The following REPS2 variants were observed in gnomAD, a reference collection of about 807,000 sequenced individuals.
The protein encoded by REPS2 is RALBP1 associated Eps domain containing 2.
A neutral mutation model predicts 53.6 loss-of-function variants in REPS2; 23 were observed. The ratio of observed to expected loss-of-function variants is 0.43; its 90% confidence interval spans 0.31 to 0.61. The LOEUF (loss-of-function observed/expected upper bound fraction) is 0.61. Among genes scored for constraint, REPS2 ranks in the 20% least tolerant of loss-of-function variants. REPS2 has a pLI of 0.11. For synonymous variants in REPS2, 238 were observed against 218.6 expected, an observed-to-expected ratio of 1.09 and a Z score of -0.78; for missense variants, 446 against 534.9, an observed-to-expected ratio of 0.83 and a Z score of 1.64.
In REPS2 at chrX:17,148,264, C is replaced by T. The variant is rs1341676808; in HGVS notation, c.*783C>T. 2.7e-5 allele frequency: 3 copies of T among 111,871 alleles called. No individual in the cohort carries two copies. The highest frequency in any genetic ancestry group is 5.6e-5 in the Non-Finnish European group (3 of 53,167). 9.2% of individuals were successfully genotyped at this position (111,871 alleles called of 1,213,427 possible). ...AGTCTGCTTTGACTGCCTTGCCTGA[C>T]CAAATTAAATAAATAGTTGCCAGAT... On this transcript the variant is annotated 3_prime_UTR_variant, in exon 18 of 18. Transcript: ENST00000357277.
chrX:16,964,059 C>A lies in REPS2; in HGVS notation c.273+16925C>A, dbSNP rs759484611. Among the ~76,000 whole-genome samples, 496 of 105,567 alleles carry A rather than the reference C, an allele frequency of 4.7e-3. 8 individuals are homozygous for A. Among genetic ancestry groups the A allele is most frequent in the African/African-American group, 0.017 (487 of 28,905 alleles). The allele number at this position is 105,567 out of a possible 115,157, so 91.7% of individuals were successfully genotyped here. Reference sequence around the variant, plus strand: ...TTATTATTATTTTTTATTGATCATTCTTGGGTGTTTCTCGCAGAGGGGGAT... The same window carrying A: ...TTATTATTATTTTTTATTGATCATTATTGGGTGTTTCTCGCAGAGGGGGAT... On this transcript the variant is annotated intron_variant, in intron 1 of 17. Transcript: ENST00000357277.
intron 17 of REPS2, among the ~76,000 whole-genome samples, chrX:17,140,735 A>ATATTATTATTAT (rs199967140): frequency 1.1e-4 from 10 of 89,656 alleles, no homozygotes; most frequent in East Asian, 1.0e-3. Context: ...GCATGCACAA[A>ATATTATTATTAT]TATTATTATT....
the REPS2 span, among the ~76,000 whole-genome samples, chrX:17,182,838 A>G: frequency 2.7e-5 from 3 of 110,915 alleles, no homozygotes; most frequent in Admixed American, 1.9e-4. Context: ...ATCACACACC[A>G]CCATATGGGA....
chrX:17,016,229 C>A, intron 2 of REPS2, among the ~76,000 whole-genome samples: 1 of 111,418 alleles, frequency 9.0e-6, no homozygotes, highest in African/African-American at 3.3e-5. Flanking sequence ...AGTGTCTGTT[C>A]ATATCCTTCG....
the REPS2 span, among the ~76,000 whole-genome samples, chrX:17,190,859 C>T: frequency 1.2e-4 from 13 of 111,829 alleles, no homozygotes; most frequent in Non-Finnish European, 2.3e-4. Context: ...AAAGGCTTTG[C>T]AGTGGAGAAA....
chrX:17,127,188 C>T (rs373037239), intron 14 of REPS2, among the ~76,000 whole-genome samples: 2 of 111,951 alleles, frequency 1.8e-5, no homozygotes, highest in African/African-American at 3.3e-5. Flanking sequence ...TAAGTCAGCC[C>T]GAACCCATTC....
intron 13 of REPS2, among the ~76,000 whole-genome samples, chrX:17,100,980 CA>C (rs1218160052): frequency 1.8e-4 from 20 of 109,874 alleles, no homozygotes; most frequent in Middle Eastern, 4.8e-3. Context: ...GGCTTCCCCC[CA>C]AAAAATGCTC....
rs914371689 is a variant in REPS2, at chrX:17,100,051, A to G, written c.1517-3667A>G. 2.2e-5 allele frequency: 25 copies of G among 1,158,229 alleles called. No homozygotes were observed. In the African/African-American group the frequency reaches 3.2e-4, roughly 15 times the overall value. Reference sequence around the variant, plus strand: ...TTGCTCTCCTCTCCCTTATCTTCAGAATCAGAATCAGCTTTGTGCTTGCCT... The same window carrying G: ...TTGCTCTCCTCTCCCTTATCTTCAGGATCAGAATCAGCTTTGTGCTTGCCT... On this transcript the variant is annotated intron_variant, in intron 13 of 17. Transcript: ENST00000357277.
intron 8 of REPS2, 36 bp from the exon 9 acceptor site, chrX:17,062,402 G>A: frequency 9.9e-7 from 1 of 1,007,792 alleles, no homozygotes; most frequent in African/African-American, 1.9e-5. Context: ...ATGGCTATAG[G>A]AAATATTCTG....
intron 1 of REPS2, among the ~76,000 whole-genome samples, chrX:16,977,734 A>G (rs895200616): frequency 2.2e-5 from 2 of 92,661 alleles, no homozygotes; most frequent in African/African-American, 8.0e-5. Context: ...AAAAAAAAAA[A>G]CAAACAAAAG....
intron 1 of REPS2, among the ~76,000 whole-genome samples, chrX:16,948,588 G>A (rs1029197507): frequency 8.9e-6 from 1 of 112,254 alleles, no homozygotes; most frequent in African/African-American, 3.2e-5. Context: ...TGACAGCTGG[G>A]TACCTATTAA....
chrX:17,168,234 G>A, the REPS2 span, among the ~76,000 whole-genome samples: 4 of 111,821 alleles, frequency 3.6e-5, no homozygotes, highest in Non-Finnish European at 7.5e-5. Flanking sequence ...AGAAGGTAGG[G>A]GCCAGGCATG....
At chrX:17,089,397 T>A (rs1056164860) in intron 13 of REPS2, among the ~76,000 whole-genome samples, 10 of 111,614 alleles carry the variant, frequency 9.0e-5, no homozygotes, top group African/African-American at 3.3e-4. Context: ...TATTGAGGTA[T>A]ATAGATCATA....
the REPS2 span, among the ~76,000 whole-genome samples, chrX:17,182,053 A>G: frequency 1.8e-5 from 2 of 111,976 alleles, no homozygotes; most frequent in African/African-American, 6.5e-5. Context: ...AAGGAATAGA[A>G]TACAGTGTTA....
chrX:17,147,373 C>T (rs1197654816), intron 17 of REPS2, 40 bp from the exon 18 acceptor site: 2 of 1,058,498 alleles, frequency 1.9e-6, no homozygotes, highest in Non-Finnish European at 2.6e-6. Context: ...AGAAATGACC[C>T]CTTTGCTTTT....
intron 13 of REPS2, among the ~76,000 whole-genome samples, chrX:17,095,734 G>A (rs191230687): frequency 2.2e-4 from 25 of 111,136 alleles, no homozygotes; most frequent in Admixed American, 2.1e-3. Context: ...GAAGGGTCTT[G>A]TCAAAGTATG....
At chrX:17,153,401 T>C (rs1057185554), downstream of REPS2, 1 of 112,215 alleles carries the variant, frequency 8.9e-6, no homozygotes, top group Admixed American at 9.5e-5. Context: ...ATTTGGTTGC[T>C]TTTACCTCCT....
chrX:16,999,368 A>ATTTT (rs1162932789), intron 1 of REPS2, among the ~76,000 whole-genome samples: 12 of 62,728 alleles, frequency 1.9e-4, no homozygotes, highest in Non-Finnish European at 2.1e-4. Flanking sequence ...GATGTTCCTG[A>ATTTT]TTTTTTTTTT....
chrX:17,049,507 G>A (rs2061951246), intron 6 of REPS2, among the ~76,000 whole-genome samples: 1 of 110,665 alleles, frequency 9.0e-6, no homozygotes, highest in African/African-American at 3.3e-5. Flanking sequence ...AAGTTTAAAT[G>A]GTAAAAAAAT....
Sources: allele counts gnomAD v4.1 joint callset (sites outside exome capture counted in the v4.1 genomes callset), GRCh38; gene constraint gnomAD v4.1.1; transcripts MANE v1.5; gene names NCBI Gene and HGNC (gene_info 2026-07-23, HGNC 2026-07-21).